Variants in CERS6 observed in about 807,000 individuals in gnomAD.
CERS6 encodes LAG1 homolog, ceramide synthase 6.
In CERS6, 26 loss-of-function variants were observed where a neutral mutation model predicts 56.8. The observed-to-expected ratio is 0.46, with a 90% CI of 0.34 to 0.63. The LOEUF (loss-of-function observed/expected upper bound fraction) is 0.63, where lower values mean the gene tolerates loss of function less well. Ranked by LOEUF, CERS6 falls within the 30% of genes least tolerant of loss-of-function variation. The probability of loss-of-function intolerance (pLI) is 0.01; values close to 1 mark genes in which losing one functional copy is unlikely to be tolerated. For missense variants in CERS6, 415 were observed against 467.5 expected (o/e 0.89, Z 1.04); for synonymous variants, 164 against 173.3 (o/e 0.95, Z 0.42).
rs539629307 is a variant in CERS6, at chr2:168,459,770, G to T, written c.170+3152G>T. On this transcript the variant is annotated intron_variant, in intron 1 of 9. Coordinates refer to ENST00000305747, the MANE Select transcript of CERS6 (RefSeq NM_203463.3). ...TGTCATCTGTTTGATGAATTTTCTT[G>T]ATTTAATGCTTGTTTAGATTCAGTA... Among the ~76,000 whole-genome samples, 7 of 152,106 alleles carry T rather than the reference G, an allele frequency of 4.6e-5. No individual in the cohort carries two copies. In the South Asian group the frequency reaches 1.5e-3, roughly 32 times the overall value.
At chr2:168,574,989 A>G (rs1683224277) in intron 3 of CERS6, among the ~76,000 whole-genome samples, 1 of 152,144 alleles carries the variant, frequency 6.6e-6, no homozygotes, top group African/African-American at 2.4e-5. Context: ...TTAAAGTGGC[A>G]TGTAATTTGA....
intron 4 of CERS6, among the ~76,000 whole-genome samples, chr2:168,639,012 A>G (rs1211395382): frequency 6.6e-6 from 1 of 152,190 alleles, no homozygotes; most frequent in Non-Finnish European, 1.5e-5. Context: ...TCACTTGATA[A>G]CATAGCAACT....
intron 4 of CERS6, among the ~76,000 whole-genome samples, chr2:168,680,876 A>G (rs1686197852): frequency 6.6e-6 from 1 of 152,214 alleles, no homozygotes; most frequent in African/African-American, 2.4e-5. Flanking sequence ...ATATTCTGTT[A>G]TAGCAGCACA....
intron 1 of CERS6, among the ~76,000 whole-genome samples, chr2:168,504,869 G>T (rs1039543017): frequency 3.3e-5 from 5 of 152,142 alleles, no homozygotes; most frequent in African/African-American, 9.7e-5. Context: ...GTAGAGGTTT[G>T]TTGGGGTCTA....
rs750984323 is a variant in CERS6, at chr2:168,765,603, C to T, written c.857C>T (p.Thr286Ile). 2 of 1,613,134 alleles carry T rather than the reference C, an allele frequency of 1.2e-6. No homozygotes were observed. Among genetic ancestry groups the T allele is most frequent in the Admixed American group, 3.3e-5 (2 of 59,844 alleles). ...CTTCTTTTCCTTAGGGTGTTAAATA[C>T]CACATTATTTGAAAGCTGGGAGATC... ...LGIFPLWVLN[T>I]TLFESWEIVG... The change falls in exon 9 of 10, where the codon ACC becomes ATC. Residue 286 changes from threonine (T) to isoleucine (I), a missense_variant. Coordinates refer to ENST00000305747, the MANE Select transcript of CERS6 (RefSeq NM_203463.3).
chr2:168,640,442 ATTCT>A (rs1684962444), intron 4 of CERS6, among the ~76,000 whole-genome samples: 1 of 152,190 alleles, frequency 6.6e-6, no homozygotes, highest in Non-Finnish European at 1.5e-5. Context: ...TCATTTGTTC[ATTCT>A]TTCTTTAAGA....
chr2:168,584,254 ACTGTAT>A (rs1162769116), intron 3 of CERS6, among the ~76,000 whole-genome samples: 1 of 152,212 alleles, frequency 6.6e-6, no homozygotes, highest in African/African-American at 2.4e-5. Flanking sequence ...CTGCAGTGAA[ACTGTAT>A]CTTTAAAAGA....
At chr2:168,488,070 C>A (rs906378251) in intron 1 of CERS6, among the ~76,000 whole-genome samples, 2 of 152,138 alleles carry the variant, frequency 1.3e-5, no homozygotes, top group African/African-American at 4.8e-5. Context: ...CTTATACAAT[C>A]CTGTGTATAT....
intron 9 of CERS6, chr2:168,766,399 G>A (rs1455426147): frequency 8.1e-6 from 12 of 1,475,682 alleles, no homozygotes; most frequent in Non-Finnish European, 1.1e-5. Context: ...CTTGCCTGTT[G>A]GAGGGGCACT....
chr2:168,474,040 A>C (rs1694024598), intron 1 of CERS6, among the ~76,000 whole-genome samples: 1 of 152,204 alleles, frequency 6.6e-6, no homozygotes. Context: ...CTCCAGCTTG[A>C]TCAACACAGC....
At chr2:168,530,611 C>CTT (rs1474098437) in intron 1 of CERS6, among the ~76,000 whole-genome samples, 1 of 152,088 alleles carries the variant, frequency 6.6e-6, no homozygotes, top group Non-Finnish European at 1.5e-5. Context: ...GAGCTTCATC[C>CTT]TTTAACAGCT....
At chr2:168,668,444 CTT>C (rs71397660) in intron 4 of CERS6, among the ~76,000 whole-genome samples, 2 of 132,316 alleles carry the variant, frequency 1.5e-5, no homozygotes, top group Non-Finnish European at 1.6e-5. Flanking sequence ...CCAACTCTAT[CTT>C]TTTTTTTTTT....
intron 1 of CERS6, among the ~76,000 whole-genome samples, chr2:168,477,181 GA>G: frequency 2.7e-5 from 3 of 110,194 alleles, no homozygotes; most frequent in East Asian, 3.1e-4. Flanking sequence ...GACAGAGAGA[GA>G]GAGAGAGAGA....
intron 2 of CERS6, among the ~76,000 whole-genome samples, chr2:168,553,169 A>T (rs1220074171): frequency 6.6e-6 from 1 of 152,156 alleles, no homozygotes; most frequent in African/African-American, 2.4e-5. Flanking sequence ...AATATGGAAG[A>T]TAGAAAGAAT....
intron 3 of CERS6, among the ~76,000 whole-genome samples, chr2:168,614,893 A>G (rs1240449963): frequency 6.6e-6 from 1 of 151,860 alleles, no homozygotes; most frequent in Admixed American, 6.6e-5. Flanking sequence ...TCAAAGCGCC[A>G]CCTCCTGGTA....
chr2:168,605,397 T>C (rs938269444), intron 3 of CERS6, among the ~76,000 whole-genome samples: 6 of 152,098 alleles, frequency 3.9e-5, no homozygotes, highest in Non-Finnish European at 8.8e-5. Context: ...AATTGGAACT[T>C]ACGTAATATT....
intron 8 of CERS6, among the ~76,000 whole-genome samples, chr2:168,740,044 C>CAA (rs1683847824): frequency 6.6e-6 from 1 of 151,900 alleles, no homozygotes; most frequent in Non-Finnish European, 1.5e-5. Flanking sequence ...CTCTCCAGGT[C>CAA]CAATTAGGAG....
chr2:168,670,553 C>T (rs1487967148), intron 4 of CERS6, among the ~76,000 whole-genome samples: 1 of 152,170 alleles, frequency 6.6e-6, no homozygotes, highest in Non-Finnish European at 1.5e-5. Context: ...TTATTCATGC[C>T]TTCTTTCCTC....
At chr2:168,491,564 A>G (rs1206115636) in intron 1 of CERS6, among the ~76,000 whole-genome samples, 1 of 152,222 alleles carries the variant, frequency 6.6e-6, no homozygotes, top group Non-Finnish European at 1.5e-5. Context: ...ACAGTAAGAA[A>G]GTAGAAACTG....
Sources: allele counts gnomAD v4.1 joint callset (sites outside exome capture counted in the v4.1 genomes callset), GRCh38; gene constraint gnomAD v4.1.1; transcripts MANE v1.5; gene names NCBI Gene and HGNC (gene_info 2026-07-23, HGNC 2026-07-21).